Variants in SNED1 observed in about 807,000 individuals in gnomAD.
SNED1 encodes the protein sushi, nidogen and EGF like domains 1.
SNED1 carries 81 observed loss-of-function variants against 166.7 expected under a neutral mutation model. That is an observed-to-expected ratio of 0.49 (90% CI 0.41 to 0.58). The LOEUF (loss-of-function observed/expected upper bound fraction) is 0.58. Ranked by LOEUF, SNED1 falls within the 20% of genes least tolerant of loss-of-function variation. The pLI is 0.00. For synonymous variants in SNED1, 762 were observed against 822.0 expected (o/e 0.93, Z 1.25); for missense variants, 1,604 against 2,000.2 (o/e 0.80, Z 3.78).
chr2:241,082,210 G>T, intron 28 of SNED1, 67 bp from the exon 29 acceptor site: 1 of 1,325,760 alleles, frequency 7.5e-7, no homozygotes, highest in Non-Finnish European at 1.1e-6. Context: ...CTTGGGCAAG[G>T]CCTCTCAAGA....
At chr2:241,040,023 C>T in intron 6 of SNED1, 52 bp from the exon 7 acceptor site, 1 of 1,398,022 alleles carries the variant, frequency 7.2e-7, no homozygotes. Context: ...TCTGTCCCCT[C>T]AGGTAACCAT....
chr2:241,032,683 T>C (rs1000316041), intron 2 of SNED1, among the ~76,000 whole-genome samples: 2 of 152,226 alleles, frequency 1.3e-5, no homozygotes, highest in African/African-American at 4.8e-5. Context: ...GCACCCCAGC[T>C]GTCATTTTCC....
At chr2:241,029,893 G>T (rs1026935196) in intron 1 of SNED1, among the ~76,000 whole-genome samples, 1 of 152,360 alleles carries the variant, frequency 6.6e-6, no homozygotes, top group East Asian at 1.9e-4. Flanking sequence ...CTGGGGCTCC[G>T]CCTCGCCTCC....
At position 241,069,833 on chromosome 2, in the gene SNED1, G is replaced by T; in HGVS notation, c.3308-87G>T. On this transcript the variant is annotated intron_variant, in intron 23 of 31. Transcript: ENST00000310397. This position sits in a 1 kb window ranked among gnomAD's most constrained non-coding sequence, Gnocchi z 4.9. Reference sequence around the variant, plus strand: ...GAATCTGGCTTCCAGCAAGGCTGCGGCAGCCCATGTCCGGTTCTCAAACCG... The same window carrying T: ...GAATCTGGCTTCCAGCAAGGCTGCGTCAGCCCATGTCCGGTTCTCAAACCG... 6.8e-7 allele frequency: 1 copy of T among 1,465,742 alleles called. No individual in the cohort carries two copies. The highest frequency in any genetic ancestry group is 9.2e-7 in the Non-Finnish European group (1 of 1,081,876). The allele number at this position is 1,465,742 out of a possible 1,614,324, so 90.8% of individuals were successfully genotyped here.
intron 16 of SNED1, among the ~76,000 whole-genome samples, chr2:241,056,598 T>TTTTTTTTTTA (rs2062047145): frequency 2.0e-5 from 3 of 149,660 alleles, no homozygotes; most frequent in African/African-American, 7.4e-5. Flanking sequence ...TTTTTTTTTT[T>TTTTTTTTTTA]GAGACGGAGT....
At chr2:241,089,188 C>G in intron 31 of SNED1, 1 of 1,083,744 alleles carries the variant, frequency 9.2e-7, no homozygotes, top group Non-Finnish European at 1.3e-6. Flanking sequence ...TCATACTGAC[C>G]ATCATTTTTT....
At chr2:241,083,382 G>C (rs560863847) in intron 29 of SNED1, among the ~76,000 whole-genome samples, 2 of 110,568 alleles carry the variant, frequency 1.8e-5, no homozygotes, top group Non-Finnish European at 3.3e-5. Flanking sequence ...GTGTTTGTCC[G>C]GCATGAAATG....
At chr2:241,058,574 A>T (rs2062134582) in intron 16 of SNED1, among the ~76,000 whole-genome samples, 1 of 152,234 alleles carries the variant, frequency 6.6e-6, no homozygotes, top group Non-Finnish European at 1.5e-5. Flanking sequence ...ATGTATCAGC[A>T]ACCAACAATT....
rs753699148 is a variant in SNED1 at position 241,075,790 on chromosome 2, A to G, written c.3916+2426A>G. 4.6e-5 allele frequency: 7 copies of G among 152,022 alleles called. No individual in the cohort carries two copies. The highest frequency in any genetic ancestry group is 4.8e-5 in the African/African-American group (2 of 41,396). The allele number at this position is 152,022 out of a possible 1,614,324, so 9.4% of individuals were successfully genotyped here. ...CCACACCAAAGTTAGAAAGTTATTC[A>G]TGTATATTTTTTTCACAAAGATGTA... On this transcript the variant is annotated intron_variant, in intron 27 of 31. Coordinates refer to ENST00000310397, the MANE Select transcript of SNED1 (RefSeq NM_001080437.3). The surrounding 1 kb of genome is among the most constrained non-coding windows in gnomAD (Gnocchi z 4.8).
At chr2:241,047,621 T>C (rs10195544) in intron 8 of SNED1, among the ~76,000 whole-genome samples, 11,145 of 152,240 alleles carry the variant, frequency 0.073, 1,069 homozygotes, top group East Asian at 0.26. Context: ...AAACTAGAGA[T>C]CAGCAGAAAG....
intron 11 of SNED1, 83 bp from the exon 12 acceptor site, chr2:241,049,734 G>C: frequency 3.0e-6 from 3 of 995,302 alleles, no homozygotes; most frequent in Non-Finnish European, 4.7e-6. Context: ...GGTAACCCTG[G>C]CAGGCAAGGT....
intron 2 of SNED1, 159 bp from the exon 3 acceptor site, chr2:241,033,576 C>A: frequency 1.3e-6 from 1 of 785,238 alleles, no homozygotes; most frequent in Non-Finnish European, 2.0e-6. Flanking sequence ...ATGAGGCCAC[C>A]AAGGTCCTGC....
At chr2:241,024,129 G>T (rs531522752) in intron 1 of SNED1, among the ~76,000 whole-genome samples, 1 of 150,110 alleles carries the variant, frequency 6.7e-6, no homozygotes, top group African/African-American at 2.5e-5. Context: ...TCAAGTGCCT[G>T]CCTGGGCCTC....
intron 1 of SNED1, among the ~76,000 whole-genome samples, chr2:241,002,167 C>T (rs934045346): frequency 1.3e-5 from 2 of 152,144 alleles, no homozygotes; most frequent in Admixed American, 1.3e-4. Context: ...GAAGCTCCCC[C>T]ATCAGGTCAT....
intron 6 of SNED1, among the ~76,000 whole-genome samples, chr2:241,038,172 C>A (rs1296299449): frequency 6.6e-6 from 1 of 152,160 alleles, no homozygotes; most frequent in Non-Finnish European, 1.5e-5. Flanking sequence ...CTGCTCCCCA[C>A]CCAGCTCAGC....
At chr2:241,076,071 C>CTT (rs1391350477) in intron 27 of SNED1, among the ~76,000 whole-genome samples, 1 of 152,200 alleles carries the variant, frequency 6.6e-6, no homozygotes. Context: ...AACTGATTGG[C>CTT]AAAGTTCCTT....
chr2:241,047,146 CAAA>C lies in SNED1; in HGVS notation c.1274-1148_1274-1146del, dbSNP rs59981303. On this transcript the variant is annotated intron_variant, in intron 8 of 31. Transcript: ENST00000310397. ...GCCTGGCAAGAGAGCGAGACTCTGTCAAAAAAAAAAAAAAAAAAAAAAAGTAAA... is the reference window on the plus strand; with the variant it reads ...GCCTGGCAAGAGAGCGAGACTCTGTCAAAAAAAAAAAAAAAAAAAAGTAAA... Among the ~76,000 whole-genome samples the C allele has an allele frequency of 5.1e-3, 351 of 68,176 alleles. 2 individuals carry two copies. Among genetic ancestry groups the C allele is most frequent in the African/African-American group, 0.013 (274 of 21,570 alleles). The allele number at this position is 68,176 out of a possible 152,430, so 44.7% of individuals were successfully genotyped here. A position where few individuals can be genotyped will look rare whatever the true frequency, so the allele number is the denominator to read the frequency against.
chr2:241,067,978 G>C, intron 22 of SNED1, 31 bp downstream of exon 22: 1 of 1,588,274 alleles, frequency 6.3e-7, no homozygotes. Context: ...CATGGGGCTG[G>C]GGTGAAGGCA....
Position 241,049,901 on chromosome 2 carries a change from C to T in SNED1, c.1703C>T (p.Pro568Leu), listed in dbSNP as rs1420771780. The T allele has an allele frequency of 3.7e-6, 6 of 1,613,644 alleles. No individual in the cohort carries two copies. The highest frequency in any genetic ancestry group is 5.1e-6 in the Non-Finnish European group (6 of 1,179,754). Residue 568 changes from proline to leucine, a missense_variant, in exon 12 of 32, where the codon CCG becomes CTG. Pro to Leu is a moderately conservative substitution (Grantham distance 98). Transcript: ENST00000310397. The part of the protein sequence containing the change: ...AHDDSYTCEC[P>L]RGFHGKHCEK... Reference sequence around the variant, plus strand: ...GACGACTCCTACACCTGCGAGTGCCCGCGCGGGTTCCACGGCAAGCACTGC... The same window carrying T: ...GACGACTCCTACACCTGCGAGTGCCTGCGCGGGTTCCACGGCAAGCACTGC...
Sources: allele counts gnomAD v4.1 joint callset (sites outside exome capture counted in the v4.1 genomes callset), GRCh38; gene constraint gnomAD v4.1.1; non-coding constraint Gnocchi (gnomAD v3.1); transcripts MANE v1.5; gene names NCBI Gene and HGNC (gene_info 2026-07-23, HGNC 2026-07-21).